DOK5: variants seen among roughly 807,000 people sequenced by gnomAD.
DOK5 encodes downstream of tyrosine kinase 5.
Under a neutral mutation model 43.3 loss-of-function variants are expected in DOK5, and 27 were observed. The observed-to-expected ratio is 0.62, with a 90% CI of 0.46 to 0.86. The LOEUF (loss-of-function observed/expected upper bound fraction) is 0.86. Ranked by LOEUF, DOK5 falls within the 40% of genes least tolerant of loss-of-function variation. DOK5 has a pLI of 0.00. For synonymous variants in DOK5, 146 were observed against 140.1 expected, an observed-to-expected ratio of 1.04 and a Z score of -0.30; for missense variants, 373 against 392.9, an observed-to-expected ratio of 0.95 and a Z score of 0.43.
At chr20:54,577,353 G>A (rs910002903) in intron 2 of DOK5, among the ~76,000 whole-genome samples, 7 of 152,218 alleles carry the variant, frequency 4.6e-5, no homozygotes, top group African/African-American at 1.2e-4. Context: ...GAGGATTCGA[G>A]TGGAATTCAT....
intron 1 of DOK5, among the ~76,000 whole-genome samples, chr20:54,523,790 T>A (rs1041831746): frequency 1.3e-5 from 2 of 151,690 alleles, no homozygotes; most frequent in Non-Finnish European, 1.5e-5. Flanking sequence ...TTTAGTAGAG[T>A]TGGGGTTTCA....
At chr20:54,564,549 G>T (rs781299028) in intron 2 of DOK5, among the ~76,000 whole-genome samples, 6 of 152,156 alleles carry the variant, frequency 3.9e-5, no homozygotes, top group Non-Finnish European at 7.3e-5. Flanking sequence ...TACCCTAATT[G>T]TGATTGGAAA....
At chr20:54,645,927 A>AAAAAAAAAAAAAAAAAAC in intron 7 of DOK5, among the ~76,000 whole-genome samples, 1 of 9,286 alleles carries the variant, frequency 1.1e-4, no homozygotes, top group African/African-American at 4.7e-4. Flanking sequence ...AGATGCTGCA[A>AAAAAAAAAAAAAAAAAAC]AAAAAAAAAA....
chr20:54,555,205 T>C (rs1600699356), intron 2 of DOK5, 165 bp downstream of exon 2: 9 of 586,500 alleles, frequency 1.5e-5, no homozygotes, highest in South Asian at 1.4e-4. Context: ...TTTCAAGTAA[T>C]TGACTAATGT....
intron 1 of DOK5, 65 bp downstream of exon 1, chr20:54,476,077 C>T (rs1981410856): frequency 6.3e-7 from 1 of 1,598,964 alleles, no homozygotes; most frequent in African/African-American, 1.3e-5. Context: ...GAGCCAGCAT[C>T]CCTGGAGGGT....
chr20:54,500,906 C>A (rs919796363), intron 1 of DOK5, among the ~76,000 whole-genome samples: 3 of 152,066 alleles, frequency 2.0e-5, no homozygotes, highest in Non-Finnish European at 4.4e-5. Flanking sequence ...AATACTTCCC[C>A]AAATCATCAT....
chr20:54,477,580 T>C (rs112371758), intron 1 of DOK5, among the ~76,000 whole-genome samples: 1,965 of 151,918 alleles, frequency 0.013, 50 homozygotes, highest in African/African-American at 0.045. Context: ...CAAACAATAA[T>C]GGGAACTTTC....
At chr20:54,591,532 G>T in intron 4 of DOK5, 84 bp from the exon 5 acceptor site, 4 of 1,078,992 alleles carry the variant, frequency 3.7e-6, no homozygotes, top group Non-Finnish European at 5.2e-6. Context: ...AACTTGAATT[G>T]TTTTTAAATG....
chr20:54,584,522 TTA>T (rs1985738644), intron 2 of DOK5, among the ~76,000 whole-genome samples: 2 of 151,714 alleles, frequency 1.3e-5, no homozygotes, highest in African/African-American at 4.8e-5. Flanking sequence ...TAACATAATT[TTA>T]TAGTTTTTAT....
chr20:54,596,479 G>A (rs1286748917), intron 5 of DOK5, among the ~76,000 whole-genome samples: 6 of 152,154 alleles, frequency 3.9e-5, no homozygotes, highest in Non-Finnish European at 7.4e-5. Context: ...CAGTGGCTCC[G>A]TTTCACCCCA....
At chr20:54,577,657 T>G (rs8124702) in intron 2 of DOK5, among the ~76,000 whole-genome samples, 36,267 of 152,128 alleles carry the variant, frequency 0.24, 7,682 homozygotes, top group African/African-American at 0.57. Flanking sequence ...TCCAAAATCT[T>G]AACAGTTTAC....
chr20:54,591,067 G>C (rs1985962071), intron 4 of DOK5, among the ~76,000 whole-genome samples: 1 of 152,152 alleles, frequency 6.6e-6, no homozygotes, highest in Admixed American at 6.5e-5. Context: ...TATATGCATT[G>C]GCATTTTCCC....
chr20:54,602,564 G>A (rs1986330179), intron 5 of DOK5, among the ~76,000 whole-genome samples: 1 of 152,218 alleles, frequency 6.6e-6, no homozygotes, highest in Admixed American at 6.5e-5. Context: ...GATGCCGCAT[G>A]CCTGACACAC....
intron 6 of DOK5, among the ~76,000 whole-genome samples, chr20:54,637,945 A>AC (rs1978907352): frequency 6.6e-6 from 1 of 152,052 alleles, no homozygotes; most frequent in Non-Finnish European, 1.5e-5. Flanking sequence ...ACACGGTGAA[A>AC]CCCCGTCTCT....
intron 4 of DOK5, among the ~76,000 whole-genome samples, chr20:54,589,468 T>A (rs1056918680): frequency 1.3e-5 from 2 of 152,178 alleles, no homozygotes; most frequent in African/African-American, 4.8e-5. Context: ...AATCAATAAT[T>A]TAAAATAATA....
intron 2 of DOK5, among the ~76,000 whole-genome samples, chr20:54,570,535 G>A (rs554791689): frequency 5.3e-5 from 8 of 152,144 alleles, no homozygotes; most frequent in South Asian, 4.2e-4. Flanking sequence ...AAAGCAAGGC[G>A]GAAAATTACC....
chr20:54,620,347 T>C (rs1227801270), intron 6 of DOK5, among the ~76,000 whole-genome samples: 1 of 152,216 alleles, frequency 6.6e-6, no homozygotes, highest in Non-Finnish European at 1.5e-5. Context: ...CAAGTGATTC[T>C]CCTGTCTCAG....
chr20:54,515,079 T>C (rs999433351), intron 1 of DOK5, among the ~76,000 whole-genome samples: 44 of 152,074 alleles, frequency 2.9e-4, no homozygotes, highest in African/African-American at 1.0e-3. Flanking sequence ...GGTGCGATCT[T>C]GACTCACTGT....
At chr20:54,619,870 T>C (rs1471730542) in intron 6 of DOK5, among the ~76,000 whole-genome samples, 1 of 152,224 alleles carries the variant, frequency 6.6e-6, no homozygotes, top group Non-Finnish European at 1.5e-5. Flanking sequence ...AAAGAAATCA[T>C]AGAGTCAATT....
Sources: allele counts gnomAD v4.1 joint callset (sites outside exome capture counted in the v4.1 genomes callset), GRCh38; gene constraint gnomAD v4.1.1; transcripts MANE v1.5; gene names NCBI Gene and HGNC (gene_info 2026-07-23, HGNC 2026-07-21).